The following PSKH1 variants were observed in gnomAD, a reference collection of about 807,000 sequenced individuals.
The protein encoded by PSKH1 is protein serine kinase H1.
A neutral mutation model predicts 26.7 loss-of-function variants in PSKH1; 12 were observed. The ratio of observed to expected loss-of-function variants is 0.45; its 90% CI spans 0.29 to 0.73. The LOEUF (loss-of-function observed/expected upper bound fraction) is 0.73. Among genes scored for constraint, PSKH1 ranks in the 30% least tolerant of loss-of-function variants. The probability of loss-of-function intolerance (pLI) is 0.11; values close to 1 mark genes in which losing one functional copy is unlikely to be tolerated. For synonymous variants in PSKH1, 213 were observed against 234.3 expected, an observed-to-expected ratio of 0.91 and a Z score of 0.83; for missense variants, 431 against 595.2, an observed-to-expected ratio of 0.72 and a Z score of 2.87.
In PSKH1 at chr16:67,927,602, G is replaced by A. The variant is rs745748731; in HGVS notation, c.1235G>A (p.Arg412Gln). 6.2e-6 allele frequency: 10 copies of A among 1,611,214 alleles called. No homozygotes were observed. The highest frequency in any genetic ancestry group is 2.2e-5 in the East Asian group (1 of 44,880). ...KSRRVREREL[R>Q]ELNLRYQQQY... ...CGCCGTGTGCGGGAACGGGAGCTGC[G>A]GGAGCTCAACCTGCGCTACCAGCAG... The change falls in exon 3 of 3, where the codon CGG becomes CAG. Residue 412 changes from arginine (R) to glutamine (Q), a missense_variant. Arg to Gln is a conservative substitution (Grantham distance 43, BLOSUM62 1). Transcript: ENST00000291041. This position sits in a 1 kb window ranked among gnomAD's most constrained non-coding sequence, Gnocchi z 5.5.
At chr16:67,901,293 A>G (rs2058141258) in intron 1 of PSKH1, among the ~76,000 whole-genome samples, 1 of 152,160 alleles carries the variant, frequency 6.6e-6, no homozygotes, top group South Asian at 2.1e-4. Context: ...ATCAGAGGGA[A>G]AATCATTGAC....
chr16:67,895,642 C>T (rs953261622), intron 1 of PSKH1, among the ~76,000 whole-genome samples: 1 of 151,976 alleles, frequency 6.6e-6, no homozygotes, highest in African/African-American at 2.4e-5. Flanking sequence ...CTCTTGACCT[C>T]GTGATCCACC....
chr16:67,906,582 C>G (rs1380668458), intron 1 of PSKH1, among the ~76,000 whole-genome samples: 3 of 152,060 alleles, frequency 2.0e-5, no homozygotes, highest in African/African-American at 7.2e-5. Context: ...CCAGACTGGT[C>G]TTGAACTCCT....
At chr16:67,904,747 G>T (rs1287838817) in intron 1 of PSKH1, among the ~76,000 whole-genome samples, 1 of 151,732 alleles carries the variant, frequency 6.6e-6, no homozygotes, top group South Asian at 2.1e-4. Context: ...CTCCCAAAGA[G>T]CTGGGATTAC....
rs754228505 is a variant in PSKH1, at chr16:67,909,027, G to A, written c.278G>A (p.Arg93His). 1.1e-5 allele frequency: 17 copies of A among 1,614,034 alleles called. No individual in the cohort carries two copies. The highest frequency in any genetic ancestry group is 1.2e-5 in the Non-Finnish European group (14 of 1,180,044). ...AAGTACAGGGCCAAGTTTGACCCAC[G>A]TGTTACAGCTAAGTATGACATCAAG... is the stretch of plus-strand genomic sequence containing the variant. ...VAKYRAKFDPRVTAKYDIKAL... is the reference protein window; with the variant it reads ...VAKYRAKFDPHVTAKYDIKAL... Residue 93 changes from arginine (R) to histidine (H), a missense_variant, in exon 2 of 3, where the codon CGT becomes CAT. By Grantham distance (29) the Arg-to-His change is conservative (BLOSUM62 0). Transcript: ENST00000291041. This position sits in a 1 kb window ranked among gnomAD's most constrained non-coding sequence, Gnocchi z 7.8.
chr16:67,913,976 A>G (rs915223242), intron 2 of PSKH1, among the ~76,000 whole-genome samples: 8 of 152,070 alleles, frequency 5.3e-5, no homozygotes, highest in African/African-American at 1.7e-4. Flanking sequence ...GAAAAAGGGA[A>G]TGATAGCTAC....
At chr16:67,906,150 C>G (rs1306936147) in intron 1 of PSKH1, among the ~76,000 whole-genome samples, 1 of 150,778 alleles carries the variant, frequency 6.6e-6, no homozygotes, top group Non-Finnish European at 1.5e-5. Context: ...CTCGGCTACT[C>G]TAACCTCCGC....
intron 2 of PSKH1, among the ~76,000 whole-genome samples, chr16:67,913,291 C>T (rs1182054250): frequency 6.6e-6 from 1 of 152,008 alleles, no homozygotes; most frequent in Non-Finnish European, 1.5e-5. Context: ...GGACTACAGG[C>T]ATGCGCCACC....
Position 67,909,102 on chromosome 16 carries a change from G to C in PSKH1, c.353G>C (p.Arg118Pro). Reference sequence around the variant, plus strand: ...AGCCGAGTGGTACGTGTAGAGCACCGGGCAACCCGGCAGCCGTATGCCATC... The same window carrying C: ...AGCCGAGTGGTACGTGTAGAGCACCCGGCAACCCGGCAGCCGTATGCCATC... ...SFSRVVRVEHRATRQPYAIKM... is the reference protein window; with the variant it reads ...SFSRVVRVEHPATRQPYAIKM... The change falls in exon 2 of 3, where the codon CGG becomes CCG. Residue 118 changes from arginine to proline, a missense_variant. Arg to Pro is a moderately radical substitution (Grantham distance 103). Transcript: ENST00000291041. This position sits in a 1 kb window ranked among gnomAD's most constrained non-coding sequence, Gnocchi z 7.8. 1.2e-6 allele frequency: 2 copies of C among 1,614,124 alleles called. No homozygotes were observed. Among genetic ancestry groups the C allele is most frequent in the African/African-American group, 1.3e-5 (1 of 75,032 alleles).
At chr16:67,911,688 A>G (rs889432832) in intron 2 of PSKH1, among the ~76,000 whole-genome samples, 6 of 151,908 alleles carry the variant, frequency 3.9e-5, no homozygotes, top group Admixed American at 6.6e-5. Flanking sequence ...GTCCCCCCCA[A>G]AAAAAAAGAG....
intron 1 of PSKH1, among the ~76,000 whole-genome samples, chr16:67,902,088 T>C (rs2151310730): frequency 6.6e-6 from 1 of 152,056 alleles, no homozygotes; most frequent in South Asian, 2.1e-4. Flanking sequence ...GTTGTAACCC[T>C]GTCTCTACTA....
At chr16:67,910,878 A>G (rs1464793271) in intron 2 of PSKH1, among the ~76,000 whole-genome samples, 1 of 152,230 alleles carries the variant, frequency 6.6e-6, no homozygotes, top group African/African-American at 2.4e-5. Context: ...AGCAAACACT[A>G]ACCTGCAGGT....
In PSKH1 at chr16:67,926,290, G is replaced by A. The variant is rs115633388; in HGVS notation, c.958-1035G>A. Among the ~76,000 whole-genome samples the A allele has an allele frequency of 6.3e-3, 967 of 152,338 alleles. 5 individuals are homozygous for A. Among genetic ancestry groups the A allele is most frequent in the African/African-American group, 0.021 (890 of 41,564 alleles). On this transcript the variant is annotated intron_variant, in intron 2 of 2. Coordinates refer to ENST00000291041, the MANE Select transcript of PSKH1 (RefSeq NM_006742.3). ...CAGCTCCAGGAAAGGGCACCCATCCGGCAGCACCGTGGGTTGTTTACTGTC... is the reference window on the plus strand; with the variant it reads ...CAGCTCCAGGAAAGGGCACCCATCCAGCAGCACCGTGGGTTGTTTACTGTC...
In PSKH1 at chr16:67,928,907, G is replaced by A. The variant is rs559095227; in HGVS notation, c.*1265G>A. On this transcript the variant is annotated 3_prime_UTR_variant, in exon 3 of 3. Coordinates refer to ENST00000291041, the MANE Select transcript of PSKH1 (RefSeq NM_006742.3). The surrounding 1 kb of genome is among the most constrained non-coding windows in gnomAD (Gnocchi z 4.8). ...CCTGCCTCTGAAACCAGGGTGCCAG[G>A]GGCACTGCCTTCTCACAGCTGGCCT... 6.5e-6 allele frequency: 1 copy of A among 152,850 alleles called. No individual in the cohort carries two copies. Among genetic ancestry groups the A allele is most frequent in the Admixed American group, 6.5e-5 (1 of 15,306 alleles). 9.5% of individuals were successfully genotyped at this position (152,850 alleles called of 1,614,324 possible).
chr16:67,897,947 A>T (rs1005189430), intron 1 of PSKH1, among the ~76,000 whole-genome samples: 1 of 152,080 alleles, frequency 6.6e-6, no homozygotes. Context: ...TTCCGGGTTC[A>T]TGCCATTCTC....
At chr16:67,919,046 C>T (rs1038748358) in intron 2 of PSKH1, among the ~76,000 whole-genome samples, 1 of 152,188 alleles carries the variant, frequency 6.6e-6, no homozygotes, top group African/African-American at 2.4e-5. Flanking sequence ...CCCTGCCCCT[C>T]ATCTCCCCGC....
chr16:67,912,291 C>G (rs1280387557), intron 2 of PSKH1, among the ~76,000 whole-genome samples: 1 of 152,186 alleles, frequency 6.6e-6, no homozygotes, highest in Non-Finnish European at 1.5e-5. Flanking sequence ...CACTCGGGAC[C>G]ATTCCAGTCT....
intron 2 of PSKH1, among the ~76,000 whole-genome samples, chr16:67,923,060 GGGTT>G (rs895835673): frequency 6.6e-6 from 1 of 152,210 alleles, no homozygotes; most frequent in African/African-American, 2.4e-5. Context: ...CAAACGAAAA[GGGTT>G]GGTGCGGGGG....
At chr16:67,898,929 GT>G (rs1460070751) in intron 1 of PSKH1, among the ~76,000 whole-genome samples, 5 of 152,116 alleles carry the variant, frequency 3.3e-5, no homozygotes, top group African/African-American at 1.2e-4. Flanking sequence ...CCGGTAGACA[GT>G]TTTTCAAAAC....
Sources: allele counts gnomAD v4.1 joint callset (sites outside exome capture counted in the v4.1 genomes callset), GRCh38; gene constraint gnomAD v4.1.1; non-coding constraint Gnocchi (gnomAD v3.1); transcripts MANE v1.5; gene names NCBI Gene and HGNC (gene_info 2026-07-23, HGNC 2026-07-21).